ARFGEF1: variants seen among roughly 807,000 people sequenced by gnomAD.
ARFGEF1 encodes the protein brefeldin A-inhibited guanine nucleotide-exchange protein 1.
A neutral mutation model predicts 231.0 loss-of-function variants in ARFGEF1; 42 were observed. The ratio of observed to expected loss-of-function variants is 0.18; its 90% CI spans 0.14 to 0.24. The LOEUF (loss-of-function observed/expected upper bound fraction) is 0.24, where lower values mean the gene tolerates loss of function less well. Among genes scored for constraint, ARFGEF1 ranks in the 10% least tolerant of loss-of-function variants. The probability of loss-of-function intolerance (pLI) is 1.00; values close to 1 mark genes in which losing one functional copy is unlikely to be tolerated. For synonymous variants in ARFGEF1, 710 were observed against 732.3 expected (o/e 0.97, Z 0.49); for missense variants, 1,345 against 2,192.0 (o/e 0.61, Z 7.72).
At chr8:67,180,872 A>G (rs1256884294) in intron 5 of ARFGEF1, among the ~76,000 whole-genome samples, 2 of 152,048 alleles carry the variant, frequency 1.3e-5, no homozygotes, top group African/African-American at 4.8e-5. Context: ...TTTTTAAAGT[A>G]GTATACACTT....
At chr8:67,239,730 TTTCATGA>T (rs1839873413) in intron 20 of ARFGEF1, among the ~76,000 whole-genome samples, 1 of 152,224 alleles carries the variant, frequency 6.6e-6, no homozygotes, top group Non-Finnish European at 1.5e-5. Flanking sequence ...AAAGGACTTC[TTTCATGA>T]AAATTATGTA....
intron 1 of ARFGEF1, among the ~76,000 whole-genome samples, chr8:67,305,351 G>T (rs1327940474): frequency 6.6e-6 from 1 of 152,140 alleles, no homozygotes; most frequent in African/African-American, 2.4e-5. Flanking sequence ...CCAGTTCTAA[G>T]GTCAGATAAC....
At chr8:67,195,288 T>TGAG (rs1400436506), downstream of ARFGEF1, 5 of 802,894 alleles carry the variant, frequency 6.2e-6, no homozygotes, top group South Asian at 2.8e-5. Flanking sequence ...GGGGAAATGC[T>TGAG]GAGTTGTAAT....
intron 1 of ARFGEF1, among the ~76,000 whole-genome samples, chr8:67,325,522 C>T (rs909557312): frequency 2.0e-5 from 3 of 152,096 alleles, no homozygotes; most frequent in Non-Finnish European, 2.9e-5. Context: ...TCCCATAATG[C>T]CCCATGTTCC....
chr8:67,217,136 C>T (rs1282545658), intron 32 of ARFGEF1, among the ~76,000 whole-genome samples: 1 of 151,968 alleles, frequency 6.6e-6, no homozygotes, highest in Non-Finnish European at 1.5e-5. Flanking sequence ...GAAACCCCAT[C>T]TCAACTAAAA....
intron 1 of ARFGEF1, among the ~76,000 whole-genome samples, chr8:67,340,305 A>G (rs1563924869): frequency 6.6e-6 from 1 of 152,212 alleles, no homozygotes; most frequent in African/African-American, 2.4e-5. Context: ...GAAGGGTTAT[A>G]ACACCACCCA....
chr8:67,334,811 T>C (rs1166785374), intron 1 of ARFGEF1, among the ~76,000 whole-genome samples: 1 of 152,172 alleles, frequency 6.6e-6, no homozygotes, highest in Non-Finnish European at 1.5e-5. Context: ...CGACCACCTG[T>C]GTATAACTGC....
chr8:67,236,355 AAAAAAAAAAAATATATATATAT>A (rs1839743961), intron 22 of ARFGEF1, among the ~76,000 whole-genome samples: 1 of 39,754 alleles, frequency 2.5e-5, no homozygotes, highest in African/African-American at 1.2e-4. Context: ...TAGTTAAAAA[AAAAAAAAAAAATATATATATAT>A]ATATATATAT....
At chr8:67,303,674 A>C (rs1587268616) in intron 1 of ARFGEF1, among the ~76,000 whole-genome samples, 1 of 151,196 alleles carries the variant, frequency 6.6e-6, no homozygotes, top group African/African-American at 2.4e-5. Flanking sequence ...AAATCACACC[A>C]CCACCCTCCA....
chr8:67,208,757 G>C (rs1209737052), intron 34 of ARFGEF1, among the ~76,000 whole-genome samples: 1 of 151,788 alleles, frequency 6.6e-6, no homozygotes, highest in Admixed American at 6.6e-5. Context: ...CAGAAAAATT[G>C]GACTTCATCA....
intron 5 of ARFGEF1, among the ~76,000 whole-genome samples, chr8:67,191,407 C>T (rs530745593): frequency 6.6e-6 from 1 of 152,170 alleles, no homozygotes. Flanking sequence ...TTGCTATTAG[C>T]GTTATTATAT....
chr8:67,247,123 A>C (rs1192004000), intron 19 of ARFGEF1, among the ~76,000 whole-genome samples: 1 of 150,482 alleles, frequency 6.6e-6, no homozygotes, highest in Non-Finnish European at 1.5e-5. Context: ...AGCAAAAGAA[A>C]GCGTGAAATC....
chr8:67,228,334 G>A, intron 23 of ARFGEF1, 70 bp from the exon 24 acceptor site: 2 of 1,416,586 alleles, frequency 1.4e-6, no homozygotes, highest in East Asian at 2.3e-5. Flanking sequence ...AAAGTATGTG[G>A]CATGGGGTAC....
At chr8:67,218,207 A>AAATATATAT (rs1491555936) in intron 30 of ARFGEF1, 69 bp from the exon 31 acceptor site, 111 of 91,340 alleles carry the variant, frequency 1.2e-3, no homozygotes, top group East Asian at 0.01. Context: ...AAAAAAAAAA[A>AAATATATAT]ATATATATAT....
chr8:67,227,713 A>G lies in ARFGEF1; in HGVS notation c.3592-115T>C. On this transcript the variant is annotated intron_variant, in intron 25 of 38. Coordinates refer to ENST00000262215, the MANE Select transcript of ARFGEF1 (RefSeq NM_006421.5). ...ATAGCATAGATAGGTAAATCCTAAG[A>G]TTTTCCATAAAGGCATTAAGTATGC... is the stretch of plus-strand genomic sequence containing the variant. The G allele has an allele frequency of 4.2e-6, 5 of 1,185,630 alleles. No homozygotes were observed. The South Asian group carries it at 8.6e-5, about 20-fold the overall frequency. The allele number at this position is 1,185,630 out of a possible 1,614,324, so 73.4% of individuals were successfully genotyped here. A position where few individuals can be genotyped will look rare whatever the true frequency, so the allele number is the denominator to read the frequency against.
chr8:67,189,538 T>A (rs1043010113), intron 5 of ARFGEF1, among the ~76,000 whole-genome samples: 3 of 152,246 alleles, frequency 2.0e-5, no homozygotes, highest in African/African-American at 4.8e-5. Flanking sequence ...TTCCTATTTT[T>A]AAAAACCCAT....
chr8:67,287,957 CCAA>C lies in ARFGEF1; in HGVS notation c.1022_1024del (p.Val341del). 1 of 1,577,922 alleles carries C rather than the reference CCAA, an allele frequency of 6.3e-7. No homozygotes were observed. The highest frequency in any genetic ancestry group is 8.6e-7 in the Non-Finnish European group (1 of 1,166,030). The stretch of plus-strand genomic sequence containing the variant: ...TAATTTTGAATGAAGTATACTACCT[CCAA>C]CAACAATGTTCACCATTTCTTCTAC... On this transcript the variant is annotated inframe_deletion, in exon 7 of 39. Transcript: ENST00000262215.
At chr8:67,215,845 C>A (rs1440584610) in intron 33 of ARFGEF1, among the ~76,000 whole-genome samples, 10 of 152,136 alleles carry the variant, frequency 6.6e-5, no homozygotes, top group Admixed American at 5.2e-4. Context: ...GAAACCAATA[C>A]ACTGGGTGAA....
At chr8:67,342,099 CT>C (rs1251828177) in intron 1 of ARFGEF1, among the ~76,000 whole-genome samples, 1 of 152,132 alleles carries the variant, frequency 6.6e-6, no homozygotes, top group Non-Finnish European at 1.5e-5. Flanking sequence ...TTCAAGAATG[CT>C]TTTTTGTAAA....
Sources: gnomAD v4.1 joint callset for allele counts (sites outside exome capture counted in the v4.1 genomes callset) on GRCh38, gnomAD v4.1.1 for gene constraint, MANE v1.5 for transcripts, NCBI Gene and HGNC (gene_info 2026-07-23, HGNC 2026-07-21) for gene names.